The following LINGO1 variants were observed in gnomAD, a reference collection of about 807,000 sequenced individuals.
The protein encoded by LINGO1 is leucine rich repeat and Ig domain containing 1, also known as leucine-rich repeat and immunoglobulin-like domain-containing nogo receptor-interacting protein 1.
In LINGO1, 11 loss-of-function variants were observed where a neutral mutation model predicts 37.3. That is an observed-to-expected ratio of 0.29 (90% confidence interval 0.19 to 0.49). The LOEUF (loss-of-function observed/expected upper bound fraction) is 0.49, where lower values mean the gene tolerates loss of function less well. LINGO1 is among the 20% of genes least tolerant of loss of function. The pLI, the probability that LINGO1 is intolerant of heterozygous loss-of-function variation, is 0.99. For missense variants in LINGO1, 585 were observed against 878.2 expected (o/e 0.67, Z 4.22); for synonymous variants, 387 against 403.0 (o/e 0.96, Z 0.48).
upstream of LINGO1, chr15:77,787,841 C>T (rs2076786996): frequency 2.0e-5 from 3 of 152,186 alleles, no homozygotes; most frequent in Admixed American, 2.0e-4. Context: ...TTGTTAACTT[C>T]TCAAAGAGGA....
chr15:77,741,145 A>C (rs1348777721), intron 1 of LINGO1, among the ~76,000 whole-genome samples: 2 of 152,242 alleles, frequency 1.3e-5, no homozygotes, highest in Non-Finnish European at 2.9e-5. Context: ...TTCTCCAGGA[A>C]GGAGACATTG....
intron 3 of LINGO1, among the ~76,000 whole-genome samples, chr15:77,645,096 C>A (rs1046221811): frequency 6.6e-6 from 1 of 152,120 alleles, no homozygotes; most frequent in African/African-American, 2.4e-5. Flanking sequence ...AGGCCTGGTG[C>A]GCTTTCAGGA....
intron 1 of LINGO1, among the ~76,000 whole-genome samples, chr15:77,806,511 C>T (rs1462380916): frequency 1.3e-5 from 2 of 152,114 alleles, no homozygotes; most frequent in Non-Finnish European, 2.9e-5. Context: ...CTACATCTGT[C>T]CACAGGGGAT....
upstream of LINGO1, among the ~76,000 whole-genome samples, chr15:77,633,554 G>A (rs1460313892): frequency 1.3e-5 from 2 of 152,190 alleles, no homozygotes; most frequent in African/African-American, 4.8e-5. Context: ...AAGCCGCGCT[G>A]GCCCGGCAGC....
At chr15:77,703,188 G>C (rs1327651949) in intron 2 of LINGO1, among the ~76,000 whole-genome samples, 1 of 152,144 alleles carries the variant, frequency 6.6e-6, no homozygotes, top group Non-Finnish European at 1.5e-5. Flanking sequence ...AACTCTCCCT[G>C]AGTCCCTTCC....
intron 1 of LINGO1, among the ~76,000 whole-genome samples, chr15:77,808,547 C>T (rs1381291992): frequency 6.6e-6 from 1 of 152,174 alleles, no homozygotes; most frequent in Admixed American, 6.5e-5. Context: ...CCTCCAAATA[C>T]AGAGCAGACA....
chr15:77,654,944 C>T (rs1196549382), intron 3 of LINGO1, among the ~76,000 whole-genome samples: 1 of 152,206 alleles, frequency 6.6e-6, no homozygotes, highest in Non-Finnish European at 1.5e-5. Context: ...GCCCTTTCCT[C>T]TCTGCTCAAG....
At chr15:77,715,686 T>C (rs1441563237) in intron 2 of LINGO1, among the ~76,000 whole-genome samples, 3 of 152,240 alleles carry the variant, frequency 2.0e-5, no homozygotes, top group African/African-American at 7.2e-5. Context: ...CAGCCCCTCC[T>C]GCGCTGGGGC....
intron 1 of LINGO1, among the ~76,000 whole-genome samples, chr15:77,764,548 C>A (rs762012051): frequency 6.6e-6 from 1 of 152,136 alleles, no homozygotes; most frequent in Non-Finnish European, 1.5e-5. Context: ...AGGCAACTGG[C>A]AGAAGAGGAG....
chr15:77,625,987 C>A (rs2074077447), intron 1 of LINGO1, among the ~76,000 whole-genome samples: 1 of 152,182 alleles, frequency 6.6e-6, no homozygotes, highest in African/African-American at 2.4e-5. Flanking sequence ...CACCACGTTA[C>A]ACACCCACTT....
intron 1 of LINGO1, among the ~76,000 whole-genome samples, chr15:77,800,818 C>G (rs1306322121): frequency 6.6e-6 from 1 of 151,988 alleles, no homozygotes; most frequent in Non-Finnish European, 1.5e-5. Flanking sequence ...CAAAGAGCCC[C>G]TACAAATCAA....
chr15:77,668,814 C>T (rs1295096496), intron 3 of LINGO1, among the ~76,000 whole-genome samples: 1 of 151,446 alleles, frequency 6.6e-6, no homozygotes, highest in African/African-American at 2.4e-5. Context: ...CACACACACA[C>T]ACACACACAC....
At chr15:77,795,724 A>G (rs1375948198) in intron 2 of LINGO1, among the ~76,000 whole-genome samples, 1 of 152,142 alleles carries the variant, frequency 6.6e-6, no homozygotes, top group Non-Finnish European at 1.5e-5. Context: ...CGTGAAACCC[A>G]CTTGCTGGGA....
chr15:77,765,657 G>C (rs988217938), intron 1 of LINGO1, among the ~76,000 whole-genome samples: 24 of 152,086 alleles, frequency 1.6e-4, no homozygotes, highest in Admixed American at 1.5e-3. Context: ...CTCTGGCCTG[G>C]AAGGCACCCA....
chr15:77,627,026 C>T (rs1229631314), intron 1 of LINGO1, among the ~76,000 whole-genome samples: 1 of 151,334 alleles, frequency 6.6e-6, no homozygotes, highest in Admixed American at 6.6e-5. Context: ...GCCCCCACCC[C>T]CTCCCAGAGG....
intron 1 of LINGO1, among the ~76,000 whole-genome samples, chr15:77,737,147 C>G (rs768655737): frequency 6.6e-6 from 1 of 152,194 alleles, no homozygotes; most frequent in East Asian, 1.9e-4. Flanking sequence ...AGGGTATCCA[C>G]GTTTTACATG....
At chr15:77,711,194 CAAG>C (rs2075914057) in intron 2 of LINGO1, among the ~76,000 whole-genome samples, 1 of 152,238 alleles carries the variant, frequency 6.6e-6, no homozygotes, top group Non-Finnish European at 1.5e-5. Context: ...TCTTCTTCCC[CAAG>C]AATTTCAGCC....
chr15:77,768,159 C>T (rs763586379), intron 1 of LINGO1, among the ~76,000 whole-genome samples: 1 of 152,170 alleles, frequency 6.6e-6, no homozygotes, highest in Non-Finnish European at 1.5e-5. Context: ...GTCCTGTGTA[C>T]ACCCACCCAC....
intron 2 of LINGO1, among the ~76,000 whole-genome samples, chr15:77,732,011 C>T (rs1382533579): frequency 3.3e-5 from 5 of 152,210 alleles, no homozygotes; most frequent in African/African-American, 4.8e-5. Flanking sequence ...CCACCAACCA[C>T]GGCAATGACA....
Sources: allele counts gnomAD v4.1 joint callset (sites outside exome capture counted in the v4.1 genomes callset), GRCh38; gene constraint gnomAD v4.1.1; transcripts MANE v1.5; gene names NCBI Gene and HGNC (gene_info 2026-07-23, HGNC 2026-07-21).